VAV3: variants seen among roughly 807,000 people sequenced by gnomAD.
The protein encoded by VAV3 is vav guanine nucleotide exchange factor 3.
VAV3 carries 94 observed loss-of-function variants against 131.2 expected under a neutral mutation model. That is an observed-to-expected ratio of 0.72 (90% CI 0.61 to 0.85). VAV3 has a LOEUF of 0.85. VAV3 is among the 40% of genes least tolerant of loss of function. The pLI is 0.00. For missense variants in VAV3, 939 were observed against 1,002.7 expected (o/e 0.94, Z 0.86); for synonymous variants, 349 against 342.0 (o/e 1.02, Z -0.22).
intron 17 of VAV3, among the ~76,000 whole-genome samples, chr1:107,697,315 A>G (rs1384345473): frequency 6.6e-6 from 1 of 152,220 alleles, no homozygotes; most frequent in African/African-American, 2.4e-5. Flanking sequence ...CCGCTAATGA[A>G]CTATGAGCAT....
chr1:107,602,473 T>C lies in VAV3; in HGVS notation c.2144A>G (p.Glu715Gly). 2 of 1,572,942 alleles carry C rather than the reference T, an allele frequency of 1.3e-6. No homozygotes were observed. The highest frequency in any genetic ancestry group is 2.3e-5 in the East Asian group (1 of 42,620). ...TGTTAAAATCTTGATGTGCTTTGCT[T>C]CATTATTGTACCTGTGGGCAATGAA... ...EYAISIKYNN[E>G]AKHIKILTRD... Residue 715 changes from glutamate to glycine, a missense_variant, in exon 24 of 27, where the codon GAA (glutamate) becomes GGA (glycine). Physicochemically the swap from Glu to Gly is moderately conservative, Grantham distance 98. Transcript: ENST00000370056.
intron 1 of VAV3, among the ~76,000 whole-genome samples, chr1:107,875,766 G>A (rs564803951): frequency 2.0e-5 from 3 of 152,262 alleles, no homozygotes; most frequent in South Asian, 2.1e-4. Context: ...GAAAGGGGCC[G>A]GAGCTAGGGT....
chr1:107,837,155 G>C (rs1358419616), intron 2 of VAV3, among the ~76,000 whole-genome samples: 1 of 151,944 alleles, frequency 6.6e-6, no homozygotes, highest in Non-Finnish European at 1.5e-5. Flanking sequence ...GATGAATATA[G>C]ATGCAGAAAT....
In VAV3 at chr1:107,595,181, C is replaced by T. The variant is rs117528113; in HGVS notation, c.2350+1031G>A. Among the ~76,000 whole-genome samples, 69 of 152,120 alleles carry T rather than the reference C, an allele frequency of 4.5e-4. No homozygotes were observed. The East Asian group carries it at 0.011, about 24-fold the overall frequency. ...TAAAGTTCGCTCTACTTTCATTGCACGAGCTTAGGCATACATCATTGATCA... is the reference window on the plus strand; with the variant it reads ...TAAAGTTCGCTCTACTTTCATTGCATGAGCTTAGGCATACATCATTGATCA... On this transcript the variant is annotated intron_variant, in intron 25 of 26. Transcript: ENST00000370056.
intron 4 of VAV3, among the ~76,000 whole-genome samples, chr1:107,775,586 A>AAAG (rs1665311613): frequency 6.7e-6 from 1 of 148,708 alleles, no homozygotes; most frequent in Non-Finnish European, 1.5e-5. Flanking sequence ...ACAAAAAAAA[A>AAAG]AAAAAAAAAA....
chr1:107,805,613 T>C (rs1045050850), intron 2 of VAV3, among the ~76,000 whole-genome samples: 4 of 152,228 alleles, frequency 2.6e-5, no homozygotes, highest in Non-Finnish European at 5.9e-5. Context: ...CTATTTTGAA[T>C]TCTTGTTCAG....
intron 25 of VAV3, among the ~76,000 whole-genome samples, chr1:107,584,692 G>GT (rs1355069408): frequency 6.6e-6 from 1 of 152,098 alleles, no homozygotes; most frequent in African/African-American, 2.4e-5. Flanking sequence ...GTCCAAAGCT[G>GT]TAACAAGGAA....
chr1:107,639,842 G>C (rs919535318), intron 20 of VAV3, among the ~76,000 whole-genome samples: 2 of 151,818 alleles, frequency 1.3e-5, no homozygotes, highest in South Asian at 4.2e-4. Flanking sequence ...GCTGAGATGG[G>C]AAGATGGCTT....
chr1:107,633,250 A>G (rs1317136338), intron 20 of VAV3, among the ~76,000 whole-genome samples: 3 of 152,220 alleles, frequency 2.0e-5, no homozygotes, highest in Non-Finnish European at 4.4e-5. Context: ...AAAGATGAAA[A>G]GAAACAGAGC....
At position 107,757,243 on chromosome 1, in the gene VAV3, C is replaced by G. The variant is rs368494974; in HGVS notation, c.1086+18G>C. The G allele has an allele frequency of 1.9e-6, 3 of 1,604,928 alleles. No individual in the cohort carries two copies. The highest frequency in any genetic ancestry group is 2.6e-6 in the Non-Finnish European group (3 of 1,176,328). The stretch of plus-strand genomic sequence containing the variant: ...AAGAATAAAAAATACAAACAAATTA[C>G]TGATGAATCTGCCCTACCTTCATGG... On this transcript the variant is annotated intron_variant, in intron 11 of 26. Coordinates refer to ENST00000370056, the MANE Select transcript of VAV3 (RefSeq NM_006113.5).
intron 20 of VAV3, among the ~76,000 whole-genome samples, chr1:107,618,878 G>A (rs4915057): frequency 0.94 from 142,600 of 152,270 alleles, 67,379 homozygotes; most frequent in East Asian, 1. Context: ...GCTGAATTCT[G>A]TCATTGGTGA....
rs1049748500 is a variant in VAV3, at chr1:107,632,606, A to G, written c.1914+10013T>C. ...GTTACATCTGTATGGGAAACACTAG[A>G]TGAACTTTAAATATGTGTGCAAAAA... On this transcript the variant is annotated intron_variant, in intron 20 of 26. Coordinates refer to ENST00000370056, the MANE Select transcript of VAV3 (RefSeq NM_006113.5). Among the ~76,000 whole-genome samples, 14 of 152,316 alleles carry G rather than the reference A, an allele frequency of 9.2e-5. No individual in the cohort carries two copies. In the East Asian group the frequency reaches 2.7e-3, roughly 29 times the overall value.
At chr1:107,892,970 A>G (rs1671383352) in intron 1 of VAV3, among the ~76,000 whole-genome samples, 1 of 152,204 alleles carries the variant, frequency 6.6e-6, no homozygotes, top group African/African-American at 2.4e-5. Context: ...CCAGCTCATG[A>G]CTAATACAAA....
intron 2 of VAV3, among the ~76,000 whole-genome samples, chr1:107,864,741 T>C (rs764578001): frequency 6.6e-6 from 1 of 152,244 alleles, no homozygotes; most frequent in Non-Finnish European, 1.5e-5. Context: ...CTCCAGCTGC[T>C]CATCATTGTT....
intron 15 of VAV3, among the ~76,000 whole-genome samples, chr1:107,744,666 A>G (rs934174254): frequency 2.0e-5 from 3 of 152,198 alleles, no homozygotes; most frequent in African/African-American, 7.2e-5. Context: ...CTTAAATACA[A>G]TTATACTTCT....
At chr1:107,886,841 C>A (rs910539803) in intron 1 of VAV3, among the ~76,000 whole-genome samples, 3 of 149,342 alleles carry the variant, frequency 2.0e-5, no homozygotes, top group East Asian at 2.0e-4. Flanking sequence ...CTCAAATTTA[C>A]AAAATAAAAA....
intron 2 of VAV3, among the ~76,000 whole-genome samples, chr1:107,870,383 A>G (rs1038711695): frequency 6.6e-6 from 1 of 152,118 alleles, no homozygotes; most frequent in African/African-American, 2.4e-5. Flanking sequence ...TTCCCTGATC[A>G]TTAGTGATAT....
At chr1:107,621,220 C>A (rs533943517) in intron 20 of VAV3, among the ~76,000 whole-genome samples, 3 of 151,910 alleles carry the variant, frequency 2.0e-5, no homozygotes, top group African/African-American at 7.3e-5. Flanking sequence ...CAGTTCAGGT[C>A]CCATTTCTTA....
intron 19 of VAV3, among the ~76,000 whole-genome samples, chr1:107,648,675 C>A (rs1175753094): frequency 1.3e-5 from 2 of 152,026 alleles, no homozygotes; most frequent in Non-Finnish European, 2.9e-5. Flanking sequence ...GTCACCTAGT[C>A]TAACCACCTT....
Sources: gnomAD v4.1 joint callset for allele counts (sites outside exome capture counted in the v4.1 genomes callset) on GRCh38, gnomAD v4.1.1 for gene constraint, MANE v1.5 for transcripts, NCBI Gene and HGNC (gene_info 2026-07-23, HGNC 2026-07-21) for gene names.